Variants in CSMD1 observed in about 807,000 individuals in gnomAD.
The protein encoded by CSMD1 is CUB and Sushi multiple domains 1, also known as CUB and sushi domain-containing protein 1.
Under a neutral mutation model 417.5 loss-of-function variants are expected in CSMD1, and 213 were observed. That is an observed-to-expected ratio of 0.51 (90% confidence interval 0.46 to 0.57). CSMD1 has a LOEUF of 0.57. Among genes scored for constraint, CSMD1 ranks in the 20% least tolerant of loss-of-function variants. CSMD1 has a pLI of 0.00. For missense variants in CSMD1, 6,923 were observed against 4,529.7 expected, an observed-to-expected ratio of 1.53 and a Z score of -15.17; for synonymous variants, 2,862 against 1,736.8, an observed-to-expected ratio of 1.65 and a Z score of -16.11.
chr8:4,939,097 CTTTAT>C lies in CSMD1; in HGVS notation c.85+55230_85+55234del, dbSNP rs1027734314. Among the ~76,000 whole-genome samples, 8 of 152,218 alleles carry C rather than the reference CTTTAT, an allele frequency of 5.3e-5. No homozygotes were observed. In the South Asian group the frequency reaches 8.3e-4, roughly 16 times the overall value. ...ATTCTCCCCCCTCTGCGGGTTGCCTCTTTATTTTATTATTTCTTTTGTTGTGCAGA... is the reference window on the plus strand; with the variant it reads ...ATTCTCCCCCCTCTGCGGGTTGCCTCTTTATTATTTCTTTTGTTGTGCAGA... On this transcript the variant is annotated intron_variant, in intron 1 of 69. Transcript: ENST00000635120.
chr8:3,955,086 CTAG>C, intron 5 of CSMD1, among the ~76,000 whole-genome samples: 1 of 152,342 alleles, frequency 6.6e-6, no homozygotes, highest in Middle Eastern at 3.4e-3. Context: ...CCTGACATTT[CTAG>C]TGGGTGCGGG....
chr8:4,632,462 A>G (rs1200101678), intron 2 of CSMD1, among the ~76,000 whole-genome samples: 1 of 152,190 alleles, frequency 6.6e-6, no homozygotes, highest in Non-Finnish European at 1.5e-5. Context: ...CAGTGAGCCA[A>G]TATAGTACCA....
At chr8:4,469,413 A>C (rs1800390049) in intron 2 of CSMD1, among the ~76,000 whole-genome samples, 1 of 152,244 alleles carries the variant, frequency 6.6e-6, no homozygotes, top group Admixed American at 6.5e-5. Flanking sequence ...CCGTATTTTC[A>C]GATTACAAGT....
Position 4,326,830 on chromosome 8 carries a change from T to C in CSMD1, c.415+93123A>G, listed in dbSNP as rs528103338. On this transcript the variant is annotated intron_variant, in intron 3 of 69. Coordinates refer to ENST00000635120, the MANE Select transcript of CSMD1 (RefSeq NM_033225.6). ...GAAAACTTTGGCTTTGAGATTCTTC[T>C]GAAAAAAAAAGGTCACAGGTGAAGC... 8.1e-4 allele frequency among the ~76,000 whole-genome samples: 119 copies of C among 146,332 alleles called. 1 individual carries two copies. The highest frequency in any genetic ancestry group is 1.5e-3 in the Non-Finnish European group (99 of 66,418).
chr8:4,933,087 G>T (rs545598353), intron 1 of CSMD1, among the ~76,000 whole-genome samples: 1 of 140,090 alleles, frequency 7.1e-6, no homozygotes, highest in South Asian at 2.3e-4. Flanking sequence ...TTTGCGGCTT[G>T]AAGTAATTAA....
At chr8:3,714,090 A>ATG (rs1350720820) in intron 6 of CSMD1, among the ~76,000 whole-genome samples, 2 of 151,036 alleles carry the variant, frequency 1.3e-5, no homozygotes, top group East Asian at 3.9e-4. Context: ...GTATATAATC[A>ATG]TGTATATATA....
At chr8:4,526,044 T>G (rs1407803412) in intron 2 of CSMD1, among the ~76,000 whole-genome samples, 9 of 152,152 alleles carry the variant, frequency 5.9e-5, no homozygotes, top group Non-Finnish European at 1.5e-5. Context: ...GGTGATGAAT[T>G]ATCTTTACTC....
At chr8:4,549,075 T>G (rs1200300121) in intron 2 of CSMD1, among the ~76,000 whole-genome samples, 3 of 152,198 alleles carry the variant, frequency 2.0e-5, no homozygotes, top group African/African-American at 4.8e-5. Flanking sequence ...CTTCATTAAC[T>G]TCATTAAACT....
At chr8:3,008,463 T>C (rs1020638866) in intron 52 of CSMD1, among the ~76,000 whole-genome samples, 1 of 152,216 alleles carries the variant, frequency 6.6e-6, no homozygotes, top group Non-Finnish European at 1.5e-5. Flanking sequence ...CTCAAAGCCT[T>C]TGTTTCTAGA....
intron 28 of CSMD1, among the ~76,000 whole-genome samples, chr8:3,221,899 C>G (rs1286640530): frequency 1.3e-5 from 2 of 151,976 alleles, no homozygotes; most frequent in African/African-American, 4.8e-5. Flanking sequence ...GACTCCCACC[C>G]TCCCATAAAA....
intron 3 of CSMD1, among the ~76,000 whole-genome samples, chr8:4,371,862 A>G (rs759790715): frequency 3.3e-5 from 5 of 152,234 alleles, no homozygotes; most frequent in Non-Finnish European, 5.9e-5. Flanking sequence ...CAAAATAAAT[A>G]TTTACGATTG....
At position 3,772,518 on chromosome 8, in the gene CSMD1, T is replaced by C. The variant is rs867146928; in HGVS notation, c.819-18476A>G. ...ATATACATATATACACATATATACA[T>C]ATATACACATATATACATATATACA... On this transcript the variant is annotated intron_variant, in intron 5 of 69. Coordinates refer to ENST00000635120, the MANE Select transcript of CSMD1 (RefSeq NM_033225.6). Among the ~76,000 whole-genome samples, 140 of 36,824 alleles carry C rather than the reference T, an allele frequency of 3.8e-3. 49 individuals carry two copies. Among genetic ancestry groups the C allele is most frequent in the African/African-American group, 8.6e-3 (134 of 15,638 alleles). The allele number at this position is 36,824 out of a possible 152,430, so 24.2% of individuals were successfully genotyped here.
intron 26 of CSMD1, among the ~76,000 whole-genome samples, chr8:3,263,146 T>A (rs763607434): frequency 7.9e-5 from 12 of 152,216 alleles, no homozygotes; most frequent in Non-Finnish European, 1.5e-4. Flanking sequence ...TTGTCCAGGC[T>A]GGAGTGCAGT....
rs574181543 is a variant in CSMD1, at chr8:3,305,750, G to A, written c.3950+1945C>T. Among the ~76,000 whole-genome samples the A allele has an allele frequency of 3.3e-5, 5 of 152,272 alleles. No individual in the cohort carries two copies. In the South Asian group the frequency reaches 1.0e-3, roughly 32 times the overall value. On this transcript the variant is annotated intron_variant, in intron 25 of 69. Coordinates refer to ENST00000635120, the MANE Select transcript of CSMD1 (RefSeq NM_033225.6). ...GTTGGAGTACAGTGGCACGATCTCA[G>A]CTCACTGCAGGCTCCACCTCCTGGG...
At chr8:4,740,581 C>A (rs951299664) in intron 1 of CSMD1, among the ~76,000 whole-genome samples, 1 of 152,120 alleles carries the variant, frequency 6.6e-6, no homozygotes, top group African/African-American at 2.4e-5. Flanking sequence ...ATTATGGTCT[C>A]AGATAGCGTA....
intron 1 of CSMD1, among the ~76,000 whole-genome samples, chr8:4,953,676 A>G (rs2117295927): frequency 6.6e-6 from 1 of 152,348 alleles, no homozygotes; most frequent in South Asian, 2.1e-4. Flanking sequence ...CACATTAAGA[A>G]AAGAATTATC....
chr8:4,098,060 C>T (rs1384696146), intron 3 of CSMD1, among the ~76,000 whole-genome samples: 1 of 152,138 alleles, frequency 6.6e-6, no homozygotes, highest in Non-Finnish European at 1.5e-5. Context: ...AGAATGCTCA[C>T]TTAAAGTTCT....
chr8:4,187,131 G>A (rs528917375), intron 3 of CSMD1, among the ~76,000 whole-genome samples: 2 of 124,310 alleles, frequency 1.6e-5, no homozygotes, highest in African/African-American at 6.1e-5. Flanking sequence ...TCTCCACTCT[G>A]TTAAAACATA....
intron 5 of CSMD1, among the ~76,000 whole-genome samples, chr8:3,978,547 G>A (rs973735212): frequency 1.3e-5 from 2 of 152,062 alleles, no homozygotes; most frequent in African/African-American, 4.8e-5. Flanking sequence ...TTGGCAAAGG[G>A]TTTCAAAAAT....
Sources: gnomAD v4.1 joint callset for allele counts (sites outside exome capture counted in the v4.1 genomes callset) on GRCh38, gnomAD v4.1.1 for gene constraint, MANE v1.5 for transcripts, NCBI Gene and HGNC (gene_info 2026-07-23, HGNC 2026-07-21) for gene names.